Variants in DAND5 observed in about 807,000 individuals in gnomAD.
The protein encoded by DAND5 is DAN domain family member 5.
Under a neutral mutation model 9.2 loss-of-function variants are expected in DAND5, and 8 were observed. The ratio of observed to expected loss-of-function variants is 0.87; its 90% CI spans 0.51 to 1.56. The LOEUF (loss-of-function observed/expected upper bound fraction) is 1.56. Ranked by LOEUF, DAND5 falls within the 40% of genes most tolerant of loss-of-function variation. DAND5 has a pLI of 0.00. For missense variants in DAND5, 244 were observed against 244.7 expected (o/e 1.00, Z 0.02); for synonymous variants, 95 against 101.1 (o/e 0.94, Z 0.36).
Position 12,969,996 on chromosome 19 carries a change from G to C in DAND5, c.324+12G>C. ...TGCCCTTCGTTCAGGTGAGTGGGTG[G>C]GTGTGGGGAGGAGAGGGCTGGGTCT... On this transcript the variant is annotated intron_variant, in intron 1 of 1. Coordinates refer to ENST00000317060, the MANE Select transcript of DAND5 (RefSeq NM_152654.3). 6.2e-7 allele frequency: 1 copy of C among 1,613,102 alleles called. No individual in the cohort carries two copies. The highest frequency in any genetic ancestry group is 1.1e-5 in the South Asian group (1 of 91,014).
intron 1 of DAND5, among the ~76,000 whole-genome samples, chr19:12,973,103 C>T (rs975981680): frequency 6.6e-6 from 1 of 152,120 alleles, no homozygotes; most frequent in African/African-American, 2.4e-5. Context: ...ACCTCGTGAT[C>T]CGCCCGCCTT....
chr19:12,973,257 G>C (rs1386616899), intron 1 of DAND5, 132 bp from the exon 2 acceptor site: 7 of 1,305,850 alleles, frequency 5.4e-6, no homozygotes, highest in Non-Finnish European at 6.2e-6. Flanking sequence ...AGCAGAGTCA[G>C]GATTTGAACC....
In DAND5 at chr19:12,969,685, C is replaced by A. The variant is rs756760109; in HGVS notation, c.25C>A (p.Leu9Ile). Reference sequence around the variant, plus strand: ...GATGCTCCTTGGCCAGCTATCCACTCTTCTGTGCCTGCTTAGCGGGGCCCT... The same window carrying A: ...GATGCTCCTTGGCCAGCTATCCACTATTCTGTGCCTGCTTAGCGGGGCCCT... MLLGQLST[L>I]LCLLSGALPT... The change falls in exon 1 of 2, where the codon CTT becomes ATT. Residue 9 changes from leucine (L) to isoleucine (I), a missense_variant. Leu to Ile is a conservative substitution (Grantham distance 5, BLOSUM62 2). Transcript: ENST00000317060. 1 of 1,607,096 alleles carries A rather than the reference C, an allele frequency of 6.2e-7. No individual in the cohort carries two copies. The highest frequency in any genetic ancestry group is 1.3e-5 in the African/African-American group (1 of 74,830).
In DAND5 at chr19:12,973,775, TCCTCA is replaced by T; in HGVS notation, c.*144_*148del. 7.8e-7 allele frequency: 1 copy of T among 1,279,282 alleles called. No homozygotes were observed. The allele number at this position is 1,279,282 out of a possible 1,614,324, so 79.2% of individuals were successfully genotyped here. On this transcript the variant is annotated 3_prime_UTR_variant, in exon 2 of 2. Coordinates refer to ENST00000317060, the MANE Select transcript of DAND5 (RefSeq NM_152654.3). ...GGGTTAGGCAGACAGGTCCCCAGAG[TCCTCA>T]CCCTGCTCCCCAGACAGTAGACACA...
In DAND5 at chr19:12,973,487, A is replaced by G. The variant is rs757769662; in HGVS notation, c.423A>G (p.Pro141=). 25 of 1,613,740 alleles carry G rather than the reference A, an allele frequency of 1.5e-5. No individual in the cohort carries two copies. Among genetic ancestry groups the G allele is most frequent in the Admixed American group, 3.3e-5 (2 of 59,930 alleles). The change falls in exon 2 of 2, where the codon CCA becomes CCG. Residue 141 remains proline (P), a synonymous_variant. Transcript: ENST00000317060. Reference sequence around the variant, plus strand: ...ACATCCCTGGCTCGGACCCCACCCCACTAGTCCTGTGCAACAGCTGTATGC... The same window carrying G: ...ACATCCCTGGCTCGGACCCCACCCCGCTAGTCCTGTGCAACAGCTGTATGC... ...SLYIPGSDPT[P]LVLCNSCMPA...
At chr19:12,971,274 T>G (rs757415843) in intron 1 of DAND5, among the ~76,000 whole-genome samples, 1 of 151,880 alleles carries the variant, frequency 6.6e-6, no homozygotes, top group Non-Finnish European at 1.5e-5. Context: ...TTCTTATTAT[T>G]TATTTTATTT....
intron 1 of DAND5, among the ~76,000 whole-genome samples, chr19:12,970,286 A>G (rs1379090541): frequency 6.7e-6 from 1 of 150,316 alleles, no homozygotes; most frequent in Non-Finnish European, 1.5e-5. Flanking sequence ...CTCCCACTTT[A>G]CTCAGAACAA....
At chr19:12,971,918 T>C (rs1347902185) in intron 1 of DAND5, among the ~76,000 whole-genome samples, 2 of 151,786 alleles carry the variant, frequency 1.3e-5, no homozygotes, top group African/African-American at 2.4e-5. Context: ...AGAGACAGGG[T>C]CTTACTCTGT....
At chr19:12,972,211 A>G (rs938934073) in intron 1 of DAND5, among the ~76,000 whole-genome samples, 33 of 151,518 alleles carry the variant, frequency 2.2e-4, no homozygotes, top group African/African-American at 8.0e-4. Flanking sequence ...GGCGCCCACC[A>G]CCACGCCTGG....
Position 12,970,472 on chromosome 19 carries a change from G to A in DAND5, c.324+488G>A, listed in dbSNP as rs148896759. ...TTAGACACGGGAGTCTCGCTATGTT[G>A]CCCAAGCTAGTCTTGAGCTTCTGGC... On this transcript the variant is annotated intron_variant, in intron 1 of 1. Coordinates refer to ENST00000317060, the MANE Select transcript of DAND5 (RefSeq NM_152654.3). The A allele has an allele frequency of 2.8e-4, 194 of 701,804 alleles. No homozygotes were observed. In the African/African-American group the frequency reaches 3.2e-3, roughly 11 times the overall value. 43.5% of individuals were successfully genotyped at this position (701,804 alleles called of 1,614,324 possible).
Position 12,973,483 on chromosome 19 carries a change from C to T in DAND5, c.419C>T (p.Thr140Ile), listed in dbSNP as rs764524767. 1.2e-5 allele frequency: 19 copies of T among 1,614,054 alleles called. No individual in the cohort carries two copies. The highest frequency in any genetic ancestry group is 1.6e-5 in the Non-Finnish European group (19 of 1,180,038). The change falls in exon 2 of 2, where the codon ACC (threonine) becomes ATC (isoleucine). Residue 140 changes from threonine to isoleucine, a missense_variant. Coordinates refer to ENST00000317060, the MANE Select transcript of DAND5 (RefSeq NM_152654.3). ...SSLYIPGSDP[T>I]PLVLCNSCMP... ...CTCTACATCCCTGGCTCGGACCCCACCCCACTAGTCCTGTGCAACAGCTGT... is the reference window on the plus strand; with the variant it reads ...CTCTACATCCCTGGCTCGGACCCCATCCCACTAGTCCTGTGCAACAGCTGT...
chr19:12,973,975 G>C lies in DAND5; in HGVS notation c.*341G>C, dbSNP rs1351774678. On this transcript the variant is annotated 3_prime_UTR_variant, in exon 2 of 2. Transcript: ENST00000317060. ...CCTCCCGGGTTTATGCCATTCTCCT[G>C]TCTCAGCCTCCCGAGTAGCTGGGAC... is the stretch of plus-strand genomic sequence containing the variant. 5 of 232,112 alleles carry C rather than the reference G, an allele frequency of 2.2e-5. No individual in the cohort carries two copies. Among genetic ancestry groups the C allele is most frequent in the Non-Finnish European group, 2.5e-5 (3 of 117,650 alleles). 14.4% of individuals were successfully genotyped at this position (232,112 alleles called of 1,614,324 possible). A position where few individuals can be genotyped will look rare whatever the true frequency, so the allele number is the denominator to read the frequency against.
intron 1 of DAND5, among the ~76,000 whole-genome samples, chr19:12,973,125 GT>G (rs2011155111): frequency 6.6e-6 from 1 of 151,932 alleles, no homozygotes. Context: ...GCCTCCCAAA[GT>G]GCTGGGATTA....
chr19:12,973,680 A>G lies in DAND5; in HGVS notation c.*46A>G. On this transcript the variant is annotated 3_prime_UTR_variant, in exon 2 of 2. Transcript: ENST00000317060. ...GCACGGAGACACGCACCTTGGAGAA[A>G]TGAGGGGAGATGGACCAAGAAAGAC... The G allele has an allele frequency of 6.3e-7, 1 of 1,585,974 alleles. No individual in the cohort carries two copies. Among genetic ancestry groups the G allele is most frequent in the Non-Finnish European group, 8.6e-7 (1 of 1,165,248 alleles).
At position 12,973,863 on chromosome 19, in the gene DAND5, CTT is replaced by C. The variant is rs113289497; in HGVS notation, c.*245_*246del. 8,837 of 342,484 alleles carry C rather than the reference CTT, an allele frequency of 0.026. No homozygotes were observed. Among genetic ancestry groups the C allele is most frequent in the South Asian group, 0.042 (1,114 of 26,518 alleles). The allele number at this position is 342,484 out of a possible 1,614,324, so 21.2% of individuals were successfully genotyped here. A position where few individuals can be genotyped will look rare whatever the true frequency, so the allele number is the denominator to read the frequency against. On this transcript the variant is annotated 3_prime_UTR_variant, in exon 2 of 2. Transcript: ENST00000317060. ...ACAGCACACAATGATTGACAACTCA[CTT>C]TTTTTTTTTTTTTTTGAGATGGAGT...
intron 1 of DAND5, among the ~76,000 whole-genome samples, chr19:12,972,391 G>A (rs1240020101): frequency 6.7e-6 from 1 of 149,636 alleles, no homozygotes; most frequent in Admixed American, 6.7e-5. Flanking sequence ...TAATTTCTTT[G>A]TAGAGACAGG....
At chr19:12,970,582 TTC>T (rs1237801641) in intron 1 of DAND5, 6 of 491,938 alleles carry the variant, frequency 1.2e-5, no homozygotes, top group Non-Finnish European at 2.2e-5. Context: ...TTTCTTTTCT[TTC>T]TTTCTTTCTT....
intron 1 of DAND5, among the ~76,000 whole-genome samples, chr19:12,971,620 C>T (rs2011145871): frequency 6.6e-6 from 1 of 151,184 alleles, no homozygotes; most frequent in Admixed American, 6.6e-5. Context: ...GAGACAGAGT[C>T]TCACTCTGTC....
At position 12,969,767 on chromosome 19, in the gene DAND5, C is replaced by CA. The variant is rs764031444; in HGVS notation, c.108dup (p.Ala37SerfsTer66). On this transcript the variant is annotated frameshift_variant, in exon 1 of 2. Coordinates refer to ENST00000317060, the MANE Select transcript of DAND5 (RefSeq NM_152654.3). LOFTEE classifies it high-confidence loss of function. ...TCTCCTCGACCTCAGTCCTGGGCTG[C>CA]AGCCAATCAGACCTGGGCTCTGGGC... is the stretch of plus-strand genomic sequence containing the variant. 2.5e-6 allele frequency: 4 copies of CA among 1,587,434 alleles called. No individual in the cohort carries two copies. The South Asian group carries it at 4.6e-5, about 18-fold the overall frequency.
Sources: gnomAD v4.1 joint callset for allele counts (sites outside exome capture counted in the v4.1 genomes callset) on GRCh38, gnomAD v4.1.1 for gene constraint, MANE v1.5 for transcripts, NCBI Gene and HGNC (gene_info 2026-07-23, HGNC 2026-07-21) for gene names.